Variants in DPP10 observed in about 807,000 individuals in gnomAD.
DPP10 encodes dipeptidyl peptidase like 10.
A neutral mutation model predicts 120.9 loss-of-function variants in DPP10; 33 were observed. That is an observed-to-expected ratio of 0.27 (90% CI 0.21 to 0.37). The LOEUF (loss-of-function observed/expected upper bound fraction) is 0.37. Among genes scored for constraint, DPP10 ranks in the 10% least tolerant of loss-of-function variants. The pLI is 1.00. For synonymous variants in DPP10, 337 were observed against 326.1 expected, an observed-to-expected ratio of 1.03 and a Z score of -0.36; for missense variants, 816 against 942.8, an observed-to-expected ratio of 0.87 and a Z score of 1.76.
At chr2:115,036,134 G>T (rs1310941767) in intron 1 of DPP10, among the ~76,000 whole-genome samples, 1 of 152,198 alleles carries the variant, frequency 6.6e-6, no homozygotes, top group Non-Finnish European at 1.5e-5. Context: ...CAAAGGAGAA[G>T]CAGGCACCTT....
intron 1 of DPP10, among the ~76,000 whole-genome samples, chr2:114,725,855 G>A (rs1363855207): frequency 6.6e-6 from 1 of 152,148 alleles, no homozygotes; most frequent in African/African-American, 2.4e-5. Flanking sequence ...ACACTTCCCT[G>A]CATCTCCTAA....
intron 2 of DPP10, among the ~76,000 whole-genome samples, chr2:115,341,419 A>G (rs2063440836): frequency 6.6e-6 from 1 of 152,138 alleles, no homozygotes; most frequent in African/African-American, 2.4e-5. Context: ...CCCGCACCAG[A>G]GTGGCACAAT....
chr2:115,828,211 T>G (rs1453648972), intron 21 of DPP10, among the ~76,000 whole-genome samples: 3 of 152,132 alleles, frequency 2.0e-5, no homozygotes, highest in Non-Finnish European at 2.9e-5. Context: ...ACCTTCTGGT[T>G]TGCATTTTTT....
At chr2:115,192,198 A>C (rs9653426) in intron 1 of DPP10, among the ~76,000 whole-genome samples, 84,020 of 152,064 alleles carry the variant, frequency 0.55, 24,840 homozygotes, top group Non-Finnish European at 0.67. Context: ...ATTTTCAAGC[A>C]ATGTCTTGAC....
intron 1 of DPP10, among the ~76,000 whole-genome samples, chr2:114,673,512 G>A (rs1698482131): frequency 1.3e-5 from 2 of 151,986 alleles, no homozygotes; most frequent in African/African-American, 4.8e-5. Context: ...TGCAGTAGCA[G>A]TGGTTCAATC....
chr2:115,796,096 T>A (rs893921881), intron 19 of DPP10, among the ~76,000 whole-genome samples: 2 of 152,124 alleles, frequency 1.3e-5, no homozygotes, highest in African/African-American at 4.8e-5. Flanking sequence ...ATTTTTCTCT[T>A]CGTTTTTATC....
intron 1 of DPP10, among the ~76,000 whole-genome samples, chr2:114,811,821 T>C (rs559025593): frequency 6.6e-6 from 1 of 152,328 alleles, no homozygotes; most frequent in East Asian, 1.9e-4. Context: ...CTCTCTACAA[T>C]AGAGCAGAAA....
chr2:115,128,716 G>C (rs891590199), intron 1 of DPP10, among the ~76,000 whole-genome samples: 3 of 152,088 alleles, frequency 2.0e-5, no homozygotes, highest in African/African-American at 7.2e-5. Flanking sequence ...TTGTCCTTAT[G>C]ATTTTGTCCA....
intron 1 of DPP10, among the ~76,000 whole-genome samples, chr2:114,805,379 G>A (rs576566108): frequency 1.3e-5 from 2 of 152,212 alleles, no homozygotes; most frequent in East Asian, 1.9e-4. Flanking sequence ...TCAGGAAGCC[G>A]CTCTTGTGCT....
chr2:115,371,448 C>CT (rs982010239), intron 3 of DPP10, among the ~76,000 whole-genome samples: 8 of 152,164 alleles, frequency 5.3e-5, no homozygotes, highest in African/African-American at 1.7e-4. Flanking sequence ...TAAAACACCA[C>CT]TTGAAGATCA....
chr2:115,421,580 T>G (rs1458174658), intron 3 of DPP10, among the ~76,000 whole-genome samples: 2 of 152,026 alleles, frequency 1.3e-5, no homozygotes, highest in Non-Finnish European at 2.9e-5. Context: ...TTTTTATACC[T>G]ATAAAAATGA....
chr2:115,788,419 A>G (rs1683574909), intron 17 of DPP10, among the ~76,000 whole-genome samples: 1 of 152,234 alleles, frequency 6.6e-6, no homozygotes, highest in Non-Finnish European at 1.5e-5. Context: ...AGGAAATGAT[A>G]TTGAACATAG....
intron 1 of DPP10, among the ~76,000 whole-genome samples, chr2:114,941,394 G>A (rs1309450274): frequency 1.3e-5 from 2 of 152,098 alleles, no homozygotes; most frequent in East Asian, 1.9e-4. Context: ...TTACCCAGAG[G>A]AGCTTCTCCA....
intron 14 of DPP10, 75 bp downstream of exon 14, chr2:115,777,374 T>C (rs1480622436): frequency 4.4e-6 from 6 of 1,361,524 alleles, no homozygotes; most frequent in African/African-American, 1.5e-5. Flanking sequence ...AGAATTATGT[T>C]TTGCTTACCA....
chr2:115,057,182 A>T (rs1358354272), intron 1 of DPP10, among the ~76,000 whole-genome samples: 1 of 152,228 alleles, frequency 6.6e-6, no homozygotes. Context: ...GATATGAGCT[A>T]AAAGAAAATA....
At chr2:115,802,115 G>A (rs1290510513) in intron 19 of DPP10, among the ~76,000 whole-genome samples, 13 of 152,126 alleles carry the variant, frequency 8.5e-5, no homozygotes, top group Non-Finnish European at 1.9e-4. Context: ...TTCGGAGCCT[G>A]TTATTGGTCT....
At chr2:115,829,917 A>G (rs1688747073) in intron 21 of DPP10, among the ~76,000 whole-genome samples, 1 of 152,174 alleles carries the variant, frequency 6.6e-6, no homozygotes, top group South Asian at 2.1e-4. Context: ...GAAGACATTA[A>G]GCAACTTTAG....
intron 1 of DPP10, among the ~76,000 whole-genome samples, chr2:115,245,842 T>C (rs529883913): frequency 1.1e-3 from 168 of 152,278 alleles, no homozygotes; most frequent in Non-Finnish European, 1.9e-3. Context: ...GACCTCCTTA[T>C]ATATATCTTA....
At chr2:114,882,977 A>G (rs1052163372) in intron 1 of DPP10, among the ~76,000 whole-genome samples, 2 of 152,204 alleles carry the variant, frequency 1.3e-5, no homozygotes, top group Non-Finnish European at 1.5e-5. Flanking sequence ...GTAAAATGTC[A>G]AATTTCATTC....
Sources: gnomAD v4.1 joint callset for allele counts (sites outside exome capture counted in the v4.1 genomes callset) on GRCh38, gnomAD v4.1.1 for gene constraint, MANE v1.5 for transcripts, NCBI Gene and HGNC (gene_info 2026-07-23, HGNC 2026-07-21) for gene names.